Variants in ZNF189 observed in about 807,000 individuals in gnomAD.
ZNF189 encodes zinc finger protein 189.
Under a neutral mutation model 53.5 loss-of-function variants are expected in ZNF189, and 33 were observed. The ratio of observed to expected loss-of-function variants is 0.62; its 90% CI spans 0.47 to 0.82. The LOEUF (loss-of-function observed/expected upper bound fraction) is 0.82, where lower values mean the gene tolerates loss of function less well. ZNF189 is among the 40% of genes least tolerant of loss of function. ZNF189 has a pLI of 0.00. For missense variants in ZNF189, 711 were observed against 753.9 expected (o/e 0.94, Z 0.67); for synonymous variants, 247 against 238.8 (o/e 1.03, Z -0.32).
Position 101,409,015 on chromosome 9 carries a change from T to C in ZNF189, c.1247T>C (p.Ile416Thr), listed in dbSNP as rs748648052. The C allele has an allele frequency of 3.1e-6, 5 of 1,614,146 alleles. No homozygotes were observed. Among genetic ancestry groups the C allele is most frequent in the Middle Eastern group, 3.3e-4 (2 of 6,062 alleles). ...GKAFSRSSGL[I>T]QHQRIHTREK... ...GCCTTTAGTAGAAGCTCAGGTCTTA[T>C]TCAGCATCAGAGAATTCACACCAGG... The change falls in exon 3 of 3, where the codon ATT becomes ACT. Residue 416 changes from isoleucine (I) to threonine (T), a missense_variant. By Grantham distance (89) the Ile-to-Thr change is moderately conservative. Transcript: ENST00000339664.
chr9:101,408,616 C>A lies in ZNF189; in HGVS notation c.848C>A (p.Thr283Asn), dbSNP rs900412402. Residue 283 changes from threonine (T) to asparagine (N), a missense_variant, in exon 3 of 3, where the codon ACT becomes AAT. By Grantham distance (65) the Thr-to-Asn change is moderately conservative. Coordinates refer to ENST00000339664, the MANE Select transcript of ZNF189 (RefSeq NM_003452.4). ...SHLIEHQRTH[T>N]GEKPYHCTKC... is the part of the protein sequence containing the mutation. Reference sequence around the variant, plus strand: ...CTTATTGAGCATCAAAGAACTCACACTGGTGAGAAACCTTATCACTGTACC... The same window carrying A: ...CTTATTGAGCATCAAAGAACTCACAATGGTGAGAAACCTTATCACTGTACC... 1 of 1,614,082 alleles carries A rather than the reference C, an allele frequency of 6.2e-7. No individual in the cohort carries two copies. The highest frequency in any genetic ancestry group is 1.7e-5 in the Admixed American group (1 of 60,020).
intron 2 of ZNF189, among the ~76,000 whole-genome samples, chr9:101,406,046 ACT>A (rs2118235979): frequency 7.0e-6 from 1 of 142,522 alleles, no homozygotes; most frequent in South Asian, 2.2e-4. Flanking sequence ...TAAGAGTGAA[ACT>A]CTGTCTCAAA....
intron 2 of ZNF189, chr9:101,407,558 T>G: frequency 2.5e-6 from 1 of 406,098 alleles, no homozygotes. Context: ...TCTGGCTAAT[T>G]AAAAAAAAAT....
At position 101,409,671 on chromosome 9, in the gene ZNF189, CAATTT is replaced by C; in HGVS notation, c.*23_*27del. The C allele has an allele frequency of 6.4e-7, 1 of 1,566,916 alleles. No homozygotes were observed. The highest frequency in any genetic ancestry group is 2.2e-5 in the East Asian group (1 of 44,566). Reference sequence around the variant, plus strand: ...ATAAATGTAGAGCAATACATAAGCTCAATTTGATTTGAGACTAGTACCCAAGTGCA... The same window carrying C: ...ATAAATGTAGAGCAATACATAAGCTCGATTTGAGACTAGTACCCAAGTGCA... On this transcript the variant is annotated 3_prime_UTR_variant, in exon 3 of 3. Transcript: ENST00000339664.
At position 101,406,395 on chromosome 9, in the gene ZNF189, T is replaced by A. The variant is rs114618306; in HGVS notation, c.161-1534T>A. ...CCCAGAGGTGAGTAGGATCGGTAAG[T>A]GATGGATGGATTAGCCTTGCATAAG... On this transcript the variant is annotated intron_variant, in intron 2 of 2. Transcript: ENST00000339664. Among the ~76,000 whole-genome samples, 677 of 152,154 alleles carry A rather than the reference T, an allele frequency of 4.4e-3. 4 individuals are homozygous for A. The highest frequency in any genetic ancestry group is 0.015 in the African/African-American group (633 of 41,504).
chr9:101,409,255 G>T lies in ZNF189; in HGVS notation c.1487G>T (p.Ser496Ile). The change falls in exon 3 of 3, where the codon AGC becomes ATC. Residue 496 changes from serine (S) to isoleucine (I), a missense_variant. Physicochemically the swap from Ser to Ile is moderately radical, Grantham distance 142. Coordinates refer to ENST00000339664, the MANE Select transcript of ZNF189 (RefSeq NM_003452.4). ...CTVCGKSFSR[S>I]SFLIEHQRIH... ...GTCTGTGGGAAAAGCTTCAGCCGGA[G>T]CTCATTTCTTATTGAACATCAGAGA... The T allele has an allele frequency of 3.7e-6, 6 of 1,613,500 alleles. No individual in the cohort carries two copies. Among genetic ancestry groups the T allele is most frequent in the Non-Finnish European group, 5.1e-6 (6 of 1,179,534 alleles).
chr9:101,408,627 C>G lies in ZNF189; in HGVS notation c.859C>G (p.Pro287Ala). The change falls in exon 3 of 3, where the codon CCT (proline) becomes GCT (alanine). Residue 287 changes from proline to alanine, a missense_variant. Pro to Ala is a conservative substitution (Grantham distance 27, BLOSUM62 -1). Coordinates refer to ENST00000339664, the MANE Select transcript of ZNF189 (RefSeq NM_003452.4). ...TCAAAGAACTCACACTGGTGAGAAA[C>G]CTTATCACTGTACCAAATGTAAGAA... ...EHQRTHTGEKPYHCTKCKKSF... is the reference protein window; with the variant it reads ...EHQRTHTGEKAYHCTKCKKSF... 1 of 1,614,036 alleles carries G rather than the reference C, an allele frequency of 6.2e-7. No individual in the cohort carries two copies. Among genetic ancestry groups the G allele is most frequent in the Non-Finnish European group, 8.5e-7 (1 of 1,180,018 alleles).
At position 101,409,905 on chromosome 9, in the gene ZNF189, T is replaced by C. The variant is rs1830877693; in HGVS notation, c.*256T>C. 12 of 408,660 alleles carry C rather than the reference T, an allele frequency of 2.9e-5. No individual in the cohort carries two copies. The South Asian group carries it at 3.5e-4, about 12-fold the overall frequency. 25.3% of individuals were successfully genotyped at this position (408,660 alleles called of 1,614,324 possible). ...AATCTTTCAGCAGAGAGATTAAACC[T>C]AGGTTCAGAGCATGGGTGCTCTGAG... On this transcript the variant is annotated 3_prime_UTR_variant, in exon 3 of 3. Transcript: ENST00000339664.
chr9:101,399,264 C>T lies in ZNF189; in HGVS notation c.33+75C>T, dbSNP rs1282862238. On this transcript the variant is annotated intron_variant, in intron 1 of 2. Coordinates refer to ENST00000339664, the MANE Select transcript of ZNF189 (RefSeq NM_003452.4). ...CTAGGCCGCACCACTGCTTTCTCCC[C>T]CAGGCCCCCCACCAACCTCCTGACC... is the stretch of plus-strand genomic sequence containing the variant. 5 of 1,405,356 alleles carry T rather than the reference C, an allele frequency of 3.6e-6. No homozygotes were observed. The South Asian group carries it at 5.3e-5, about 15-fold the overall frequency. 87.1% of individuals were successfully genotyped at this position (1,405,356 alleles called of 1,614,324 possible). A position where few individuals can be genotyped will look rare whatever the true frequency, so the allele number is the denominator to read the frequency against.
In ZNF189 at chr9:101,409,983, GAAT is replaced by G. The variant is rs2118291172; in HGVS notation, c.*338_*340del. 5.0e-6 allele frequency: 1 copy of G among 200,662 alleles called. No homozygotes were observed. Among genetic ancestry groups the G allele is most frequent in the South Asian group, 1.2e-4 (1 of 8,088 alleles). The allele number at this position is 200,662 out of a possible 1,614,324, so 12.4% of individuals were successfully genotyped here. A position where few individuals can be genotyped will look rare whatever the true frequency, so the allele number is the denominator to read the frequency against. On this transcript the variant is annotated 3_prime_UTR_variant, in exon 3 of 3. Coordinates refer to ENST00000339664, the MANE Select transcript of ZNF189 (RefSeq NM_003452.4). ...CTGGAGCAGCTGATAGTGGAAAACAGAATAATGATTCAAAGAGTCTTCTGTCAC... is the reference window on the plus strand; with the variant it reads ...CTGGAGCAGCTGATAGTGGAAAACAGAATGATTCAAAGAGTCTTCTGTCAC...
chr9:101,399,256 T>G, intron 1 of ZNF189, 67 bp downstream of exon 1: 1 of 1,435,606 alleles, frequency 7.0e-7, no homozygotes, highest in Non-Finnish European at 9.5e-7. Flanking sequence ...GCACCACTGC[T>G]TTCTCCCCCA....
chr9:101,403,642 A>G (rs80126509), intron 2 of ZNF189, among the ~76,000 whole-genome samples: 333 of 152,330 alleles, frequency 2.2e-3, no homozygotes, highest in African/African-American at 7.7e-3. Flanking sequence ...TCTTTCCGCA[A>G]TGACTTGCAG....
intron 1 of ZNF189, 179 bp downstream of exon 1, chr9:101,399,368 G>T (rs1031426909): frequency 5.1e-6 from 7 of 1,379,346 alleles, no homozygotes; most frequent in Non-Finnish European, 3.7e-6. Flanking sequence ...CTGCCCACTG[G>T]CTCCCTTTTT....
rs186555374 is a variant in ZNF189 at position 101,409,611 on chromosome 9, A to T, written c.1843A>T (p.Ile615Phe). ...GEAFNCRISLIQHQKLHTAWM... is the reference protein window; with the variant it reads ...GEAFNCRISLFQHQKLHTAWM... Reference sequence around the variant, plus strand: ...AGCCTTTAATTGCCGTATTTCTCTTATTCAGCATCAGAAATTGCACACAGC... The same window carrying T: ...AGCCTTTAATTGCCGTATTTCTCTTTTTCAGCATCAGAAATTGCACACAGC... The change falls in exon 3 of 3, where the codon ATT becomes TTT. Residue 615 changes from isoleucine to phenylalanine, a missense_variant. By Grantham distance (21) the Ile-to-Phe change is conservative (BLOSUM62 0). Coordinates refer to ENST00000339664, the MANE Select transcript of ZNF189 (RefSeq NM_003452.4). The T allele has an allele frequency of 2.5e-6, 4 of 1,612,140 alleles. No homozygotes were observed. In the Admixed American group the frequency reaches 5.0e-5, roughly 20 times the overall value.
At chr9:101,399,328 T>G in intron 1 of ZNF189, 139 bp downstream of exon 1, 1 of 1,417,394 alleles carries the variant, frequency 7.1e-7, no homozygotes. Flanking sequence ...AACTCCCCAC[T>G]AGTGCATTGG....
At position 101,408,594 on chromosome 9, in the gene ZNF189, A is replaced by G. The variant is rs925914584; in HGVS notation, c.826A>G (p.Ile276Val). The change falls in exon 3 of 3, where the codon ATT becomes GTT. Residue 276 changes from isoleucine (I) to valine (V), a missense_variant. Ile to Val is a conservative substitution (Grantham distance 29). Coordinates refer to ENST00000339664, the MANE Select transcript of ZNF189 (RefSeq NM_003452.4). ...GKAFSWKSHLIEHQRTHTGEK... is the reference protein window; with the variant it reads ...GKAFSWKSHLVEHQRTHTGEK... ...AGCCTTCAGTTGGAAATCACACCTT[A>G]TTGAGCATCAAAGAACTCACACTGG... 2 of 1,614,030 alleles carry G rather than the reference A, an allele frequency of 1.2e-6. No individual in the cohort carries two copies. Among genetic ancestry groups the G allele is most frequent in the African/African-American group, 2.7e-5 (2 of 74,924 alleles).
At chr9:101,407,158 GA>G (rs1830745958) in intron 2 of ZNF189, among the ~76,000 whole-genome samples, 1 of 151,984 alleles carries the variant, frequency 6.6e-6, no homozygotes, top group African/African-American at 2.4e-5. Context: ...CTTTATACAG[GA>G]GCTGCTTTTT....
In ZNF189 at chr9:101,408,871, G is replaced by T. The variant is rs1830825489; in HGVS notation, c.1103G>T (p.Gly368Val). 1 of 1,614,142 alleles carries T rather than the reference G, an allele frequency of 6.2e-7. No individual in the cohort carries two copies. The highest frequency in any genetic ancestry group is 8.5e-7 in the Non-Finnish European group (1 of 1,180,024). The change falls in exon 3 of 3, where the codon GGT becomes GTT. Residue 368 changes from glycine to valine, a missense_variant. Gly to Val is a moderately radical substitution (Grantham distance 109). Transcript: ENST00000339664. ...FLIEHQRIHTGERPYQCKECG... is the reference protein window; with the variant it reads ...FLIEHQRIHTVERPYQCKECG... ...ATTGAACATCAGAGGATCCATACTGGTGAAAGACCTTATCAGTGCAAAGAG... is the reference window on the plus strand; with the variant it reads ...ATTGAACATCAGAGGATCCATACTGTTGAAAGACCTTATCAGTGCAAAGAG...
intron 2 of ZNF189, among the ~76,000 whole-genome samples, chr9:101,406,996 TA>T (rs1280898444): frequency 6.6e-6 from 1 of 152,200 alleles, no homozygotes; most frequent in Non-Finnish European, 1.5e-5. Flanking sequence ...TTGTGGTAGG[TA>T]AAGTCATAAG....
Sources: gnomAD v4.1 joint callset for allele counts (sites outside exome capture counted in the v4.1 genomes callset) on GRCh38, gnomAD v4.1.1 for gene constraint, MANE v1.5 for transcripts, NCBI Gene and HGNC (gene_info 2026-07-23, HGNC 2026-07-21) for gene names.